ANKRD30BL: variants seen among roughly 807,000 people sequenced by gnomAD.
The protein encoded by ANKRD30BL is ankyrin repeat domain 30B like.
Under a neutral mutation model 18.4 loss-of-function variants are expected in ANKRD30BL, and 20 were observed. The ratio of observed to expected loss-of-function variants is 1.09; its 90% confidence interval spans 0.77 to 1.58. The LOEUF (loss-of-function observed/expected upper bound fraction) is 1.58. Ranked by LOEUF, ANKRD30BL falls within the 40% of genes most tolerant of loss-of-function variation. ANKRD30BL has a pLI of 0.00. For missense variants in ANKRD30BL, 224 were observed against 268.6 expected (o/e 0.83, Z 1.16); for synonymous variants, 72 against 100.9 (o/e 0.71, Z 1.72).
chr2:132,250,021 C>A (rs1488519813), intron 1 of ANKRD30BL, among the ~76,000 whole-genome samples: 11 of 151,228 alleles, frequency 7.3e-5, no homozygotes, highest in African/African-American at 1.2e-4. Flanking sequence ...AAAGCGCTCA[C>A]AAATATCCCT....
chr2:132,199,153 C>A (rs367985673), intron 1 of ANKRD30BL, among the ~76,000 whole-genome samples: 1 of 151,958 alleles, frequency 6.6e-6, no homozygotes, highest in South Asian at 2.1e-4. Flanking sequence ...AGACATAGAC[C>A]ATTTTGGCCA....
intron 1 of ANKRD30BL, among the ~76,000 whole-genome samples, chr2:132,198,267 CTTTTCTTT>C (rs1558928425): frequency 7.8e-5 from 10 of 128,674 alleles, no homozygotes; most frequent in African/African-American, 3.6e-4. Flanking sequence ...TTCTTTCTTT[CTTTTCTTT>C]CTTTCTTTCT....
intron 1 of ANKRD30BL, among the ~76,000 whole-genome samples, chr2:132,203,869 TTC>T (rs1210197347): frequency 6.6e-6 from 1 of 152,202 alleles, no homozygotes; most frequent in East Asian, 1.9e-4. Context: ...ATGAGCATTT[TTC>T]TCTGATTGAT....
intron 1 of ANKRD30BL, among the ~76,000 whole-genome samples, chr2:132,197,181 G>C (rs1678986195): frequency 6.6e-6 from 1 of 152,240 alleles, no homozygotes; most frequent in South Asian, 2.1e-4. Context: ...CATTGCAGAG[G>C]AAAGACTTGA....
intron 1 of ANKRD30BL, among the ~76,000 whole-genome samples, chr2:132,235,282 C>G (rs1680124051): frequency 6.6e-6 from 1 of 152,188 alleles, no homozygotes; most frequent in Non-Finnish European, 1.5e-5. Flanking sequence ...TGGCACAAGA[C>G]AGGGATGCCC....
chr2:132,161,321 C>G (rs1688050398), intron 1 of ANKRD30BL, among the ~76,000 whole-genome samples, 167 bp downstream of exon 1: 1 of 152,098 alleles, frequency 6.6e-6, no homozygotes, highest in Non-Finnish European at 1.5e-5. Flanking sequence ...GGGGGACCTG[C>G]CCGGGAAGAA....
intron 1 of ANKRD30BL, among the ~76,000 whole-genome samples, chr2:132,201,405 G>A (rs938433531): frequency 2.6e-5 from 4 of 151,990 alleles, no homozygotes; most frequent in African/African-American, 9.7e-5. Flanking sequence ...ATCTGACAAA[G>A]GACTAATATC....
chr2:132,186,047 A>G (rs1169991776), intron 1 of ANKRD30BL, among the ~76,000 whole-genome samples: 1 of 151,930 alleles, frequency 6.6e-6, no homozygotes. Context: ...AGGCTGAAGC[A>G]GGAGAACCAC....
At chr2:132,178,050 C>A (rs1688395605) in intron 1 of ANKRD30BL, among the ~76,000 whole-genome samples, 2 of 152,048 alleles carry the variant, frequency 1.3e-5, no homozygotes, top group Admixed American at 6.6e-5. Flanking sequence ...TAAAATATAT[C>A]AAGGCAAGGA....
At chr2:132,234,495 T>C (rs1680101186) in intron 1 of ANKRD30BL, among the ~76,000 whole-genome samples, 2 of 151,966 alleles carry the variant, frequency 1.3e-5, no homozygotes, top group African/African-American at 4.8e-5. Flanking sequence ...TAAAAAATGA[T>C]AAAGGGGATA....
chr2:132,242,629 A>G lies in ANKRD30BL; in HGVS notation n.441+14900T>C, dbSNP rs574116377. The stretch of plus-strand genomic sequence containing the variant: ...CCGAGTTGAAGCTTTCTTTTGATAC[A>G]GCAGTTTTGAAACACTCTTTTTGTA... On this transcript the variant is annotated intron_variant and non_coding_transcript_variant, in intron 1 of 4. Coordinates refer to the ANKRD30BL transcript ENST00000470729. 4.9e-3 allele frequency among the ~76,000 whole-genome samples: 741 copies of G among 151,924 alleles called. 2 individuals are homozygous for G. The highest frequency in any genetic ancestry group is 8.7e-3 in the Non-Finnish European group (587 of 67,860).
At chr2:132,222,832 TAAAAAAAAAAAA>T (rs71001178) in intron 1 of ANKRD30BL, among the ~76,000 whole-genome samples, 8,898 of 53,168 alleles carry the variant, frequency 0.17, 692 homozygotes, top group African/African-American at 0.39. Context: ...GAATGATCAA[TAAAAAAAAAAAA>T]AAAAAAAAAA....
At chr2:132,225,597 C>A (rs111921031) in intron 1 of ANKRD30BL, among the ~76,000 whole-genome samples, 9 of 152,124 alleles carry the variant, frequency 5.9e-5, no homozygotes, top group Non-Finnish European at 1.3e-4. Context: ...TTGAAACACT[C>A]TTTTTGTAGA....
intron 1 of ANKRD30BL, among the ~76,000 whole-genome samples, chr2:132,188,027 G>A (rs912989093): frequency 2.0e-5 from 3 of 152,130 alleles, no homozygotes; most frequent in Non-Finnish European, 4.4e-5. Context: ...GATTACAGTC[G>A]TGAGCCACTG....
At chr2:132,247,065 G>A (rs878921458) in intron 1 of ANKRD30BL, among the ~76,000 whole-genome samples, 2 of 151,692 alleles carry the variant, frequency 1.3e-5, no homozygotes, top group Non-Finnish European at 2.9e-5. Context: ...CCCTTTCATG[G>A]AGCAGTTTTG....
intron 1 of ANKRD30BL, among the ~76,000 whole-genome samples, chr2:132,220,997 A>C (rs1679659708): frequency 7.0e-6 from 1 of 142,360 alleles, no homozygotes; most frequent in African/African-American, 2.7e-5. Flanking sequence ...AGAGGTGGGG[A>C]GCACCTCTGC....
At chr2:132,205,073 G>A (rs886171389) in intron 1 of ANKRD30BL, among the ~76,000 whole-genome samples, 2 of 152,104 alleles carry the variant, frequency 1.3e-5, no homozygotes, top group Non-Finnish European at 2.9e-5. Context: ...AATACAACTC[G>A]CAAAACACAC....
At chr2:132,193,387 A>T (rs1208972283) in intron 1 of ANKRD30BL, among the ~76,000 whole-genome samples, 1 of 152,114 alleles carries the variant, frequency 6.6e-6, no homozygotes, top group Non-Finnish European at 1.5e-5. Flanking sequence ...CCTCAGAGGG[A>T]CATATCCTTA....
intron 1 of ANKRD30BL, among the ~76,000 whole-genome samples, chr2:132,231,372 C>T (rs985238586): frequency 6.6e-6 from 1 of 152,200 alleles, no homozygotes; most frequent in African/African-American, 2.4e-5. Context: ...TGGTCTACAG[C>T]TCCCAGCGTG....
Sources: allele counts gnomAD v4.1 joint callset (sites outside exome capture counted in the v4.1 genomes callset), GRCh38; gene constraint gnomAD v4.1.1; transcripts MANE v1.5; gene names NCBI Gene and HGNC (gene_info 2026-07-23, HGNC 2026-07-21).